SEMA4D: variants seen among roughly 807,000 people sequenced by gnomAD.
SEMA4D encodes the protein semaphorin 4D.
A neutral mutation model predicts 74.8 loss-of-function variants in SEMA4D; 22 were observed. That is an observed-to-expected ratio of 0.29 (90% CI 0.21 to 0.42). The LOEUF is 0.42. SEMA4D is among the 10% of genes least tolerant of loss of function. The pLI is 1.00. For missense variants in SEMA4D, 937 were observed against 1,118.4 expected (o/e 0.84, Z 2.31); for synonymous variants, 445 against 463.7 (o/e 0.96, Z 0.52).
intron 13 of SEMA4D, among the ~76,000 whole-genome samples, chr9:89,382,201 C>A (rs76732575): frequency 3.9e-5 from 6 of 152,222 alleles, no homozygotes; most frequent in Non-Finnish European, 8.8e-5. Context: ...GAGGGTGCCC[C>A]ACATGCAGTG....
At chr9:89,361,022 G>A (rs1832720120) in exon 19 of SEMA4D, 1 of 152,300 alleles carries the variant, frequency 6.6e-6, no homozygotes, top group Non-Finnish European at 1.5e-5. Flanking sequence ...GTTTGTAGTG[G>A]TTGAAGCCAC....
At position 89,484,827 on chromosome 9, in the gene SEMA4D, A is replaced by G. The variant is rs949349207; in HGVS notation, c.-310+13092T>C. Reference sequence around the variant, plus strand: ...TGTGTGGTGGGTGTGTGGTGTGTGGATGTATTGTGTGGTGTGTGTGTAATG... The same window carrying G: ...TGTGTGGTGGGTGTGTGGTGTGTGGGTGTATTGTGTGGTGTGTGTGTAATG... On this transcript the variant is annotated intron_variant, in intron 1 of 15. Transcript: ENST00000422704. The surrounding 1 kb of genome is among the most constrained non-coding windows in gnomAD (Gnocchi z 4.1). Among the ~76,000 whole-genome samples the G allele has an allele frequency of 7.6e-6, 1 of 130,982 alleles. No individual in the cohort carries two copies. 85.9% of individuals were successfully genotyped at this position (130,982 alleles called of 152,430 possible).
chr9:89,450,189 A>G (rs1176785614), intron 2 of SEMA4D: 34 of 1,278,028 alleles, frequency 2.7e-5, no homozygotes, highest in Middle Eastern at 2.2e-4. Flanking sequence ...CAAGCAGAAG[A>G]AGGACCATGA....
At chr9:89,432,055 G>A (rs527336028) in intron 2 of SEMA4D, among the ~76,000 whole-genome samples, 1 of 152,268 alleles carries the variant, frequency 6.6e-6, no homozygotes, top group East Asian at 1.9e-4. Flanking sequence ...TCCCCCAGGA[G>A]AGGCATATTT....
At chr9:89,399,947 G>A (rs939155591) in intron 4 of SEMA4D, among the ~76,000 whole-genome samples, 3 of 131,038 alleles carry the variant, frequency 2.3e-5, no homozygotes, top group Non-Finnish European at 3.1e-5. Flanking sequence ...GCAGTAAGCC[G>A]AGATCGCACC....
intron 2 of SEMA4D, among the ~76,000 whole-genome samples, chr9:89,427,601 C>T (rs896634479): frequency 3.3e-5 from 5 of 152,194 alleles, no homozygotes; most frequent in Non-Finnish European, 2.9e-5. Context: ...GAACCTGGTC[C>T]TATTAACCTG....
intron 7 of SEMA4D, among the ~76,000 whole-genome samples, chr9:89,392,886 C>T (rs1328094682): frequency 6.6e-6 from 1 of 152,182 alleles, no homozygotes; most frequent in African/African-American, 2.4e-5. Flanking sequence ...GCCACCATGT[C>T]TGGCTAATTT....
intron 1 of SEMA4D, among the ~76,000 whole-genome samples, chr9:89,477,433 C>T (rs1423089587): frequency 6.6e-6 from 1 of 152,182 alleles, no homozygotes; most frequent in Non-Finnish European, 1.5e-5. Flanking sequence ...GAGTAATGTA[C>T]ACCAAGGAAA....
intron 1 of SEMA4D, among the ~76,000 whole-genome samples, chr9:89,459,868 A>G (rs1053231192): frequency 2.0e-5 from 3 of 152,182 alleles, no homozygotes; most frequent in African/African-American, 4.8e-5. Flanking sequence ...TTCAGTTACT[A>G]AATAACACAC....
At position 89,458,482 on chromosome 9, in the gene SEMA4D, G is replaced by A. The variant is rs1438873231; in HGVS notation, c.-309-2529C>T. 3.3e-5 allele frequency among the ~76,000 whole-genome samples: 5 copies of A among 151,052 alleles called. No homozygotes were observed. In the South Asian group the frequency reaches 8.4e-4, roughly 25 times the overall value. ...CCTGGGCCCACCTAAAAGACTGCCT[G>A]CCACACACATGCCACACACATGCCA... is the stretch of plus-strand genomic sequence containing the variant. On this transcript the variant is annotated intron_variant, in intron 1 of 15. Coordinates refer to ENST00000422704, the MANE Select transcript of SEMA4D (RefSeq NM_001371194.2).
chr9:89,453,575 C>T (rs1362865688), intron 2 of SEMA4D, among the ~76,000 whole-genome samples: 1 of 152,252 alleles, frequency 6.6e-6, no homozygotes, highest in Non-Finnish European at 1.5e-5. Context: ...AGTAGAGACC[C>T]CAGTACCCCA....
At chr9:89,479,351 T>A (rs1006093896) in intron 1 of SEMA4D, among the ~76,000 whole-genome samples, 1 of 152,154 alleles carries the variant, frequency 6.6e-6, no homozygotes, top group Non-Finnish European at 1.5e-5. Context: ...AACTACAGCT[T>A]TTCGCCCAGC....
rs553443152 is a variant in SEMA4D, at chr9:89,491,462, C to T, written c.-310+6457G>A. On this transcript the variant is annotated intron_variant, in intron 1 of 15. Transcript: ENST00000422704. ...GCGTGTGCCTGTAGTCCCAGCTACTCAGGAGGCTGACGCAGGTGAATGGCT... is the reference window on the plus strand; with the variant it reads ...GCGTGTGCCTGTAGTCCCAGCTACTTAGGAGGCTGACGCAGGTGAATGGCT... Among the ~76,000 whole-genome samples the T allele has an allele frequency of 9.2e-5, 14 of 152,222 alleles. No homozygotes were observed. The South Asian group carries it at 2.9e-3, about 32-fold the overall frequency.
chr9:89,433,545 AC>A (rs1179020228), intron 2 of SEMA4D, among the ~76,000 whole-genome samples: 9 of 152,170 alleles, frequency 5.9e-5, no homozygotes, highest in African/African-American at 2.2e-4. Flanking sequence ...CTAGAGAGGG[AC>A]TGTGCACAGG....
rs151073082 is a variant in SEMA4D at position 89,467,743 on chromosome 9, G to A, written c.-309-11790C>T. On this transcript the variant is annotated intron_variant, in intron 1 of 15. Transcript: ENST00000422704. ...GACAGGATTTCACCACGTTGGTCAGGCTGGTCTTGAACTTCTGACCTTGTG... is the reference window on the plus strand; with the variant it reads ...GACAGGATTTCACCACGTTGGTCAGACTGGTCTTGAACTTCTGACCTTGTG... Among the ~76,000 whole-genome samples the A allele has an allele frequency of 1.9e-4, 29 of 152,166 alleles. No homozygotes were observed. The East Asian group carries it at 3.3e-3, about 17-fold the overall frequency.
rs377288599 is a variant in SEMA4D, at chr9:89,379,589, G to A, written c.1704C>T (p.His568=). 44 of 1,611,772 alleles carry A rather than the reference G, an allele frequency of 2.7e-5. No individual in the cohort carries two copies. Among genetic ancestry groups the A allele is most frequent in the South Asian group, 5.5e-5 (5 of 90,822 alleles). Residue 568 remains histidine (H), a synonymous_variant, in exon 16 of 16, where the codon CAC becomes CAT. Coordinates refer to ENST00000422704, the MANE Select transcript of SEMA4D (RefSeq NM_001371194.2). ...KGSYRQHFFK[H]GGTAELKCSQ... ...AGCATTTCAGTTCCGCTGTGCCACC[G>A]TGCTTGAAAAAATGCTGCCGGTAAC...
At chr9:89,421,991 T>C (rs1266782528) in intron 2 of SEMA4D, among the ~76,000 whole-genome samples, 2 of 152,268 alleles carry the variant, frequency 1.3e-5, no homozygotes, top group Non-Finnish European at 1.5e-5. Flanking sequence ...TGTGGTTTTC[T>C]AACTAAAATA....
chr9:89,450,108 G>A (rs1170357957), intron 2 of SEMA4D: 2 of 1,239,556 alleles, frequency 1.6e-6, no homozygotes, highest in African/African-American at 3.0e-5. Flanking sequence ...GCCAATAGAA[G>A]GTATGCTGTC....
chr9:89,397,674 G>C (rs1384634919), intron 5 of SEMA4D, among the ~76,000 whole-genome samples: 1 of 152,220 alleles, frequency 6.6e-6, no homozygotes, highest in Non-Finnish European at 1.5e-5. Flanking sequence ...GGAAACCGGA[G>C]CTACACTGCA....
Sources: gnomAD v4.1 joint callset for allele counts (sites outside exome capture counted in the v4.1 genomes callset) on GRCh38, gnomAD v4.1.1 for gene constraint, Gnocchi (gnomAD v3.1) non-coding constraint, MANE v1.5 for transcripts, NCBI Gene and HGNC (gene_info 2026-07-23, HGNC 2026-07-21) for gene names.